ASIC2: variants seen among roughly 807,000 people sequenced by gnomAD.
ASIC2 encodes acid sensing ion channel subunit 2.
A neutral mutation model predicts 57.3 loss-of-function variants in ASIC2; 25 were observed. The observed-to-expected ratio is 0.44, with a 90% CI of 0.32 to 0.61. The LOEUF (loss-of-function observed/expected upper bound fraction) is 0.61, where lower values mean the gene tolerates loss of function less well. Among genes scored for constraint, ASIC2 ranks in the 20% least tolerant of loss-of-function variants. ASIC2 has a pLI of 0.06. For missense variants in ASIC2, 641 were observed against 738.1 expected, an observed-to-expected ratio of 0.87 and a Z score of 1.52; for synonymous variants, 319 against 307.5, an observed-to-expected ratio of 1.04 and a Z score of -0.39.
intron 1 of ASIC2, among the ~76,000 whole-genome samples, chr17:34,036,131 A>G (rs188581197): frequency 1.3e-5 from 2 of 152,150 alleles, no homozygotes; most frequent in Non-Finnish European, 2.9e-5. Context: ...CTAAATGTCC[A>G]ACAACGATAG....
chr17:33,291,978 C>T lies in ASIC2; in HGVS notation c.138G>A (p.Arg46=), dbSNP rs973551416. ...GGGCGACCCCTGGCCCCTGCAGCGCCCGCTCGCCGCCTCTGCCGCCCCCGG... is the reference window on the plus strand; with the variant it reads ...GGGCGACCCCTGGCCCCTGCAGCGCTCGCTCGCCGCCTCTGCCGCCCCCGG... ...GQPGGGRGGE[R]ALQGPGVARR... Residue 46 remains arginine (R), a synonymous_variant, in exon 1 of 10, where the codon CGG becomes CGA. Coordinates refer to ENST00000225823, the MANE Select transcript of ASIC2 (RefSeq NM_183377.2). 1 of 1,307,662 alleles carries T rather than the reference C, an allele frequency of 7.6e-7. No homozygotes were observed. Among genetic ancestry groups the T allele is most frequent in the Non-Finnish European group, 9.6e-7 (1 of 1,039,026 alleles). 81.0% of individuals were successfully genotyped at this position (1,307,662 alleles called of 1,614,324 possible).
chr17:33,303,835 G>A lies in ASIC2; in HGVS notation c.556-191768C>T, dbSNP rs1906061775. The stretch of plus-strand genomic sequence containing the variant: ...ATTCAATATTTCTCAGCAGCCTATG[G>A]CACTAAGACACAACATTAGATTCAA... On this transcript the variant is annotated intron_variant, in intron 1 of 9. Transcript: ENST00000359872. Among the ~76,000 whole-genome samples, 8 of 151,992 alleles carry A rather than the reference G, an allele frequency of 5.3e-5. 1 individual carries two copies. Among genetic ancestry groups the A allele is most frequent in the Admixed American group, 4.6e-4 (7 of 15,248 alleles).
chr17:34,062,737 A>G (rs1457943585), intron 1 of ASIC2, among the ~76,000 whole-genome samples: 2 of 152,198 alleles, frequency 1.3e-5, no homozygotes, highest in African/African-American at 4.8e-5. Context: ...GGCTACTGTG[A>G]ACACCTTTAC....
At chr17:33,679,228 T>A in intron 1 of ASIC2, among the ~76,000 whole-genome samples, 1 of 152,160 alleles carries the variant, frequency 6.6e-6, no homozygotes, top group African/African-American at 2.4e-5. Context: ...AGTGGAGACA[T>A]CCTTCATGCA....
At chr17:33,297,071 C>T (rs1030033487), upstream of ASIC2, among the ~76,000 whole-genome samples, 4 of 152,042 alleles carry the variant, frequency 2.6e-5, no homozygotes, top group Admixed American at 1.3e-4. Context: ...ACAAAAATAA[C>T]TTTGGTATTT....
At chr17:34,093,702 T>C (rs1469541767) in intron 1 of ASIC2, among the ~76,000 whole-genome samples, 1 of 152,240 alleles carries the variant, frequency 6.6e-6, no homozygotes, top group African/African-American at 2.4e-5. Flanking sequence ...CCTGGATGTC[T>C]TCAGTCCCCC....
chr17:33,278,667 A>G (rs745664880), intron 1 of ASIC2, among the ~76,000 whole-genome samples: 4 of 152,014 alleles, frequency 2.6e-5, no homozygotes, highest in Non-Finnish European at 5.9e-5. Flanking sequence ...TTCCCTCTGT[A>G]TCCCATATTT....
At chr17:33,477,166 T>C (rs1230033633) in intron 1 of ASIC2, among the ~76,000 whole-genome samples, 1 of 152,172 alleles carries the variant, frequency 6.6e-6, no homozygotes, top group African/African-American at 2.4e-5. Flanking sequence ...AACTTAAACA[T>C]ATATATACTC....
chr17:33,019,586 G>A (rs1243476257), intron 7 of ASIC2, among the ~76,000 whole-genome samples: 1 of 152,018 alleles, frequency 6.6e-6, no homozygotes, highest in East Asian at 1.9e-4. Flanking sequence ...GTGAGAAAGG[G>A]CCGTGCGGTG....
intron 1 of ASIC2, among the ~76,000 whole-genome samples, chr17:33,270,164 C>G (rs974918274): frequency 1.3e-5 from 2 of 152,166 alleles, no homozygotes; most frequent in African/African-American, 4.8e-5. Flanking sequence ...AATAGCTTAC[C>G]TTTTTCTCCG....
chr17:33,518,505 C>T (rs1291724977), intron 1 of ASIC2, among the ~76,000 whole-genome samples: 1 of 152,160 alleles, frequency 6.6e-6, no homozygotes, highest in Admixed American at 6.5e-5. Context: ...TGGGTGGGTT[C>T]CTTTCCTGCT....
chr17:33,568,303 T>C (rs1916312804), intron 1 of ASIC2, among the ~76,000 whole-genome samples: 1 of 152,244 alleles, frequency 6.6e-6, no homozygotes. Flanking sequence ...GCACCTTTGA[T>C]AATAAGCCCT....
At chr17:33,880,220 TA>T (rs1474230606) in intron 1 of ASIC2, among the ~76,000 whole-genome samples, 6 of 151,858 alleles carry the variant, frequency 4.0e-5, no homozygotes, top group African/African-American at 1.5e-4. Flanking sequence ...GCAAACACAT[TA>T]AAAAACTAGC....
intron 1 of ASIC2, among the ~76,000 whole-genome samples, chr17:33,455,627 G>A (rs1230972366): frequency 2.0e-5 from 3 of 152,174 alleles, no homozygotes; most frequent in Non-Finnish European, 4.4e-5. Context: ...TTTTAGATAT[G>A]TTATCAGCAC....
chr17:33,738,467 A>C (rs759619825), intron 1 of ASIC2, among the ~76,000 whole-genome samples: 3 of 152,170 alleles, frequency 2.0e-5, no homozygotes, highest in Non-Finnish European at 2.9e-5. Flanking sequence ...CAGCCTATAA[A>C]TACCCTGATC....
chr17:33,570,681 G>A (rs1236907892), intron 1 of ASIC2, among the ~76,000 whole-genome samples: 2 of 152,172 alleles, frequency 1.3e-5, no homozygotes, highest in Non-Finnish European at 2.9e-5. Flanking sequence ...AGTTGGTTGG[G>A]TGGTTCTTCT....
Position 33,371,287 on chromosome 17 carries a change from C to G in ASIC2, c.556-259220G>C, listed in dbSNP as rs1367419012. On this transcript the variant is annotated intron_variant, in intron 1 of 9. Coordinates refer to the ASIC2 transcript ENST00000359872. ...CTAACTTGCTGGGAATGTAGCCCAG[C>G]AAGTCCCAGCCTCATTTTTCCTAGC... is the stretch of plus-strand genomic sequence containing the variant. 2.6e-5 allele frequency among the ~76,000 whole-genome samples: 4 copies of G among 152,190 alleles called. No homozygotes were observed. The East Asian group carries it at 7.7e-4, about 29-fold the overall frequency.
intron 1 of ASIC2, among the ~76,000 whole-genome samples, chr17:34,045,193 A>C (rs1405040421): frequency 6.6e-6 from 1 of 151,874 alleles, no homozygotes; most frequent in Non-Finnish European, 1.5e-5. Flanking sequence ...AAAAGACTCC[A>C]CCACTCTTCC....
chr17:33,559,567 A>G (rs1030321971), intron 1 of ASIC2, among the ~76,000 whole-genome samples: 5 of 152,256 alleles, frequency 3.3e-5, no homozygotes, highest in African/African-American at 1.2e-4. Context: ...TTTTGTAGTC[A>G]CTTATGGCAG....
Sources: gnomAD v4.1 joint callset for allele counts (sites outside exome capture counted in the v4.1 genomes callset) on GRCh38, gnomAD v4.1.1 for gene constraint, MANE v1.5 for transcripts, NCBI Gene and HGNC (gene_info 2026-07-23, HGNC 2026-07-21) for gene names.